PNLIPRP3: variants seen among roughly 807,000 people sequenced by gnomAD.
PNLIPRP3 encodes pancreatic lipase-related protein 3.
PNLIPRP3 carries 58 observed loss-of-function variants against 52.8 expected under a neutral mutation model. That is an observed-to-expected ratio of 1.10 (90% confidence interval 0.89 to 1.37). PNLIPRP3 has a LOEUF of 1.37. Among genes scored for constraint, PNLIPRP3 ranks in the 40% most tolerant of loss-of-function variants. The pLI is 0.00. For missense variants in PNLIPRP3, 593 were observed against 561.6 expected (o/e 1.06, Z -0.57); for synonymous variants, 192 against 185.0 (o/e 1.04, Z -0.31).
At chr10:116,444,618 C>A in intron 4 of PNLIPRP3, 105 bp downstream of exon 4, 1 of 1,134,544 alleles carries the variant, frequency 8.8e-7, no homozygotes, top group Non-Finnish European at 1.3e-6. Context: ...TAGACAGGTA[C>A]TGAACATGTG....
At chr10:116,432,081 A>G (rs1356491745) in intron 1 of PNLIPRP3, among the ~76,000 whole-genome samples, 1 of 151,332 alleles carries the variant, frequency 6.6e-6, no homozygotes, top group Non-Finnish European at 1.5e-5. Context: ...ATTCTTATTT[A>G]TTGTCTGTCT....
At chr10:116,453,741 A>G (rs1444485811) in intron 4 of PNLIPRP3, among the ~76,000 whole-genome samples, 1 of 152,032 alleles carries the variant, frequency 6.6e-6, no homozygotes, top group Admixed American at 6.5e-5. Context: ...GCCTTCCCCG[A>G]TGATTCTAAG....
intron 1 of PNLIPRP3, among the ~76,000 whole-genome samples, chr10:116,434,653 T>TA (rs1020093162): frequency 2.6e-5 from 4 of 152,162 alleles, no homozygotes; most frequent in African/African-American, 9.7e-5. Context: ...GGACTAGTTA[T>TA]AAAAATCTTC....
At chr10:116,445,364 C>G (rs1408796179) in intron 4 of PNLIPRP3, among the ~76,000 whole-genome samples, 2 of 152,118 alleles carry the variant, frequency 1.3e-5, no homozygotes, top group South Asian at 2.1e-4. Flanking sequence ...TATGAGCAAC[C>G]AGGTTAGGTG....
intron 2 of PNLIPRP3, among the ~76,000 whole-genome samples, chr10:116,438,890 G>A (rs1265122495): frequency 6.6e-6 from 1 of 152,116 alleles, no homozygotes; most frequent in African/African-American, 2.4e-5. Flanking sequence ...AGTAAAGAGA[G>A]GAATATTACT....
chr10:116,432,611 C>T (rs1400130288), intron 1 of PNLIPRP3, among the ~76,000 whole-genome samples: 2 of 152,004 alleles, frequency 1.3e-5, no homozygotes, highest in African/African-American at 2.4e-5. Context: ...ACTAATGATG[C>T]CATGATGGCA....
intron 4 of PNLIPRP3, among the ~76,000 whole-genome samples, chr10:116,451,248 TC>T (rs1243332229): frequency 6.6e-6 from 1 of 152,306 alleles, no homozygotes; most frequent in East Asian, 1.9e-4. Context: ...TTGACCCTTG[TC>T]TTACACTATA....
At position 116,443,135 on chromosome 10, in the gene PNLIPRP3, A is replaced by G. The variant is rs769617841; in HGVS notation, c.285A>G (p.Gly95=). The G allele has an allele frequency of 5.6e-6, 9 of 1,611,424 alleles. No homozygotes were observed. The Admixed American group carries it at 1.5e-4, about 27-fold the overall frequency. The change falls in exon 3 of 12, where the codon GGA becomes GGG. Residue 95 remains glycine, a synonymous_variant. Transcript: ENST00000369230. ...AGATCACCCGTATCAACATAGCTGG[A>G]TGGAAAACAGATGGCAAATGGCAGA... ...TDKITRINIA[G]WKTDGKWQRD...
chr10:116,459,423 G>A (rs4751971), intron 5 of PNLIPRP3, among the ~76,000 whole-genome samples: 12,130 of 151,876 alleles, frequency 0.08, 1,484 homozygotes, highest in East Asian at 0.49. Flanking sequence ...TTCCCACTCC[G>A]GGATCCAGCC....
chr10:116,455,933 T>C, intron 5 of PNLIPRP3, 103 bp downstream of exon 5: 3 of 810,022 alleles, frequency 3.7e-6, no homozygotes, highest in South Asian at 1.7e-5. Flanking sequence ...AAATATAAGA[T>C]ACTACAAAAT....
chr10:116,456,393 C>T (rs1323549920), intron 5 of PNLIPRP3, among the ~76,000 whole-genome samples: 2 of 152,132 alleles, frequency 1.3e-5, no homozygotes, highest in Admixed American at 6.5e-5. Flanking sequence ...TCCCAATTAC[C>T]CTGATTTGAT....
rs150227298 is a variant in PNLIPRP3 at position 116,457,375 on chromosome 10, C to G, written c.565+1545C>G. Among the ~76,000 whole-genome samples the G allele has an allele frequency of 4.8e-3, 730 of 152,090 alleles. 7 individuals carry two copies. Among genetic ancestry groups the G allele is most frequent in the African/African-American group, 0.017 (690 of 41,504 alleles). ...GTGTACGTGCTCGCTCTCTCTCTCA[C>G]ACACACACACATACATGCACACTTT... On this transcript the variant is annotated intron_variant, in intron 5 of 11. Transcript: ENST00000369230.
chr10:116,431,625 A>G (rs924393943), intron 1 of PNLIPRP3, among the ~76,000 whole-genome samples: 2 of 152,186 alleles, frequency 1.3e-5, no homozygotes, highest in Non-Finnish European at 2.9e-5. Flanking sequence ...TAAAGACTAT[A>G]AACAGCTTTA....
At chr10:116,445,872 T>G (rs1465124590) in intron 4 of PNLIPRP3, among the ~76,000 whole-genome samples, 1 of 152,122 alleles carries the variant, frequency 6.6e-6, no homozygotes, top group Non-Finnish European at 1.5e-5. Context: ...TTCTGTCATC[T>G]CATCACAAGT....
chr10:116,430,785 A>G (rs908880075), intron 1 of PNLIPRP3, among the ~76,000 whole-genome samples: 1 of 152,162 alleles, frequency 6.6e-6, no homozygotes, highest in Non-Finnish European at 1.5e-5. Context: ...ATTATTACCT[A>G]TATCTCATCT....
chr10:116,439,996 G>A (rs2133116360), intron 2 of PNLIPRP3: 6 of 780,058 alleles, frequency 7.7e-6, no homozygotes, highest in Admixed American at 6.8e-5. Context: ...CACGAAGAAG[G>A]CATAAGCAGA....
intron 4 of PNLIPRP3, among the ~76,000 whole-genome samples, chr10:116,444,917 T>C (rs778826363): frequency 6.6e-6 from 1 of 152,250 alleles, no homozygotes; most frequent in Non-Finnish European, 1.5e-5. Context: ...GCCTGTGAAT[T>C]AGTTAGGTCT....
chr10:116,444,194 C>T (rs543986798), intron 3 of PNLIPRP3, among the ~76,000 whole-genome samples, 188 bp from the exon 4 acceptor site: 1 of 152,160 alleles, frequency 6.6e-6, no homozygotes, highest in East Asian at 1.9e-4. Context: ...TCGACCTGGT[C>T]TCTCCTTTGA....
intron 5 of PNLIPRP3, among the ~76,000 whole-genome samples, chr10:116,456,592 A>T (rs1346416237): frequency 6.6e-6 from 1 of 152,232 alleles, no homozygotes; most frequent in Non-Finnish European, 1.5e-5. Flanking sequence ...TTATCCCTGG[A>T]TATACCGTTA....
Sources: gnomAD v4.1 joint callset for allele counts (sites outside exome capture counted in the v4.1 genomes callset) on GRCh38, gnomAD v4.1.1 for gene constraint, MANE v1.5 for transcripts, NCBI Gene and HGNC (gene_info 2026-07-23, HGNC 2026-07-21) for gene names.